Variants in HSD17B12 observed in about 807,000 individuals in gnomAD.
HSD17B12 encodes hydroxysteroid 17-beta dehydrogenase 12, also known as very-long-chain 3-oxoacyl-CoA reductase.
A neutral mutation model predicts 39.3 loss-of-function variants in HSD17B12; 32 were observed. That is an observed-to-expected ratio of 0.81 (90% CI 0.61 to 1.09). The LOEUF (loss-of-function observed/expected upper bound fraction) is 1.09. Among genes scored for constraint, HSD17B12 ranks in the 50% least tolerant of loss-of-function variants. The pLI is 0.00. For missense variants in HSD17B12, 342 were observed against 382.9 expected (o/e 0.89, Z 0.89); for synonymous variants, 150 against 146.7 (o/e 1.02, Z -0.16).
chr11:43,784,321 A>C (rs1259256324), intron 3 of HSD17B12, among the ~76,000 whole-genome samples: 1 of 148,028 alleles, frequency 6.8e-6, no homozygotes, highest in Non-Finnish European at 1.5e-5. Context: ...TATTATTATT[A>C]TTATTATTAT....
chr11:43,686,092 C>T (rs549809951), intron 1 of HSD17B12, among the ~76,000 whole-genome samples: 3 of 152,186 alleles, frequency 2.0e-5, no homozygotes, highest in Admixed American at 1.3e-4. Flanking sequence ...TTCTGTTTAT[C>T]GCTCTGGCAT....
At chr11:43,814,980 A>T (rs1313361725) in intron 4 of HSD17B12, among the ~76,000 whole-genome samples, 1 of 152,200 alleles carries the variant, frequency 6.6e-6, no homozygotes, top group Non-Finnish European at 1.5e-5. Flanking sequence ...AATGCGATGC[A>T]TATTGTACAT....
At chr11:43,715,551 A>G (rs2134848389) in intron 1 of HSD17B12, among the ~76,000 whole-genome samples, 1 of 152,138 alleles carries the variant, frequency 6.6e-6, no homozygotes, top group East Asian at 1.9e-4. Context: ...GGATTTTTGC[A>G]TCAATGTTCA....
At chr11:43,745,335 A>C (rs555840304) in intron 1 of HSD17B12, among the ~76,000 whole-genome samples, 6 of 152,244 alleles carry the variant, frequency 3.9e-5, no homozygotes, top group African/African-American at 1.4e-4. Context: ...TTAGATGCAC[A>C]GTACTGAGTG....
chr11:43,609,010 G>A, the HSD17B12 span, among the ~76,000 whole-genome samples: 3 of 151,804 alleles, frequency 2.0e-5, no homozygotes, highest in East Asian at 2.0e-4. Context: ...CTGCAGCCTC[G>A]ACCTCCTTGG....
In HSD17B12 at chr11:43,831,062, T is replaced by G. The variant is rs942829451; in HGVS notation, c.536+52T>G. The G allele has an allele frequency of 6.6e-7, 1 of 1,511,248 alleles. No homozygotes were observed. Among genetic ancestry groups the G allele is most frequent in the African/African-American group, 1.4e-5 (1 of 71,374 alleles). The allele number at this position is 1,511,248 out of a possible 1,614,324, so 93.6% of individuals were successfully genotyped here. A position where few individuals can be genotyped will look rare whatever the true frequency, so the allele number is the denominator to read the frequency against. The stretch of plus-strand genomic sequence containing the variant: ...CTGTGGAAGCAGAGCTCATGATTAT[T>G]TAGAGGGAGAATCCTTGCTTTGAAA... On this transcript the variant is annotated intron_variant, in intron 7 of 10. Coordinates refer to ENST00000278353, the MANE Select transcript of HSD17B12 (RefSeq NM_016142.3). This position sits in a 1 kb window ranked among gnomAD's most constrained non-coding sequence, Gnocchi z 4.1.
the HSD17B12 span, among the ~76,000 whole-genome samples, chr11:43,666,112 T>G: frequency 1.3e-5 from 2 of 152,160 alleles, no homozygotes; most frequent in African/African-American, 4.8e-5. Context: ...CATGCTACTC[T>G]TTCTTCCTTC....
chr11:43,689,858 C>T (rs1000117074), intron 1 of HSD17B12, among the ~76,000 whole-genome samples: 1 of 152,008 alleles, frequency 6.6e-6, no homozygotes, highest in Non-Finnish European at 1.5e-5. Flanking sequence ...CTGAACAAGG[C>T]TTTAAACCAC....
At chr11:43,668,410 T>A in the HSD17B12 span, among the ~76,000 whole-genome samples, 7 of 152,178 alleles carry the variant, frequency 4.6e-5, no homozygotes, top group South Asian at 2.1e-4. Context: ...TGTGATTGAT[T>A]AGATTAGGCT....
At chr11:43,692,307 A>T (rs1455057628) in intron 1 of HSD17B12, among the ~76,000 whole-genome samples, 1 of 152,246 alleles carries the variant, frequency 6.6e-6, no homozygotes, top group African/African-American at 2.4e-5. Flanking sequence ...AGTGCTATAC[A>T]TCTAAAAATG....
intron 3 of HSD17B12, 37 bp from the exon 4 acceptor site, chr11:43,798,282 TC>T (rs1474418902): frequency 8.1e-7 from 1 of 1,236,108 alleles, no homozygotes; most frequent in African/African-American, 1.5e-5. Flanking sequence ...GTACTAATTT[TC>T]CCTGTCTCTC....
rs1308233369 is a variant in HSD17B12 at position 43,690,391 on chromosome 11, TATATATATA to T, written c.160+9405_160+9413del. Among the ~76,000 whole-genome samples the T allele has an allele frequency of 1.8e-3, 45 of 24,846 alleles. 1 individual carries two copies. The highest frequency in any genetic ancestry group is 5.2e-3 in the African/African-American group (28 of 5,418). The allele number at this position is 24,846 out of a possible 152,430, so 16.3% of individuals were successfully genotyped here. ...ATATATATATATATATATATATATA[TATATATATA>T]TATATTTTTTTTTTTTTTTTTCTGA... is the stretch of plus-strand genomic sequence containing the variant. On this transcript the variant is annotated intron_variant, in intron 1 of 10. Transcript: ENST00000278353.
the HSD17B12 span, among the ~76,000 whole-genome samples, chr11:43,586,922 T>G: frequency 8.5e-5 from 13 of 152,298 alleles, no homozygotes; most frequent in African/African-American, 2.6e-4. Flanking sequence ...TTCTGACAAC[T>G]TCTAAATAGG....
intron 1 of HSD17B12, among the ~76,000 whole-genome samples, chr11:43,714,414 G>A (rs1481703311): frequency 6.6e-6 from 1 of 152,174 alleles, no homozygotes; most frequent in East Asian, 1.9e-4. Context: ...TGTCAGGTTT[G>A]TCAAAGATCA....
chr11:43,557,328 G>GTGTCTTAATTCTTGTAATTA, the HSD17B12 span, among the ~76,000 whole-genome samples: 14 of 152,176 alleles, frequency 9.2e-5, no homozygotes, highest in Non-Finnish European at 1.9e-4. Flanking sequence ...CATTCACTGA[G>GTGTCTTAATTCTTGTAATTA]TGTCTTAATT....
chr11:43,762,398 C>A (rs1233470462), intron 3 of HSD17B12, among the ~76,000 whole-genome samples: 1 of 152,198 alleles, frequency 6.6e-6, no homozygotes, highest in East Asian at 1.9e-4. Context: ...CTGACTTACA[C>A]TGAGAATGAG....
chr11:43,699,208 A>G (rs1949939954), intron 1 of HSD17B12, among the ~76,000 whole-genome samples: 1 of 152,184 alleles, frequency 6.6e-6, no homozygotes, highest in Non-Finnish European at 1.5e-5. Flanking sequence ...TATAAGCATT[A>G]TTATAAGAGA....
At chr11:43,622,103 AG>A in the HSD17B12 span, among the ~76,000 whole-genome samples, 1 of 152,224 alleles carries the variant, frequency 6.6e-6, no homozygotes, top group African/African-American at 2.4e-5. Flanking sequence ...AAAATAGGAA[AG>A]GGTTTGCACC....
the HSD17B12 span, among the ~76,000 whole-genome samples, chr11:43,675,644 A>G: frequency 2.6e-5 from 4 of 152,286 alleles, no homozygotes; most frequent in Admixed American, 6.5e-5. Flanking sequence ...CTACATGGAC[A>G]ACAAACTCCA....
Sources: allele counts gnomAD v4.1 joint callset (sites outside exome capture counted in the v4.1 genomes callset), GRCh38; gene constraint gnomAD v4.1.1; non-coding constraint Gnocchi (gnomAD v3.1); transcripts MANE v1.5; gene names NCBI Gene and HGNC (gene_info 2026-07-23, HGNC 2026-07-21).